The following RERGL variants were observed in gnomAD, a reference collection of about 807,000 sequenced individuals.
The protein encoded by RERGL is RERG like.
RERGL carries 22 observed loss-of-function variants against 24.7 expected under a neutral mutation model. The observed-to-expected ratio is 0.89, with a 90% CI of 0.64 to 1.27. The LOEUF (loss-of-function observed/expected upper bound fraction) is 1.27. Ranked by LOEUF, RERGL falls within the 50% of genes most tolerant of loss-of-function variation. RERGL has a pLI of 0.00. For missense variants in RERGL, 259 were observed against 235.3 expected, an observed-to-expected ratio of 1.10 and a Z score of -0.66; for synonymous variants, 76 against 82.6, an observed-to-expected ratio of 0.92 and a Z score of 0.43.
intron 4 of RERGL, 94 bp from the exon 5 acceptor site, chr12:18,081,567 A>T: frequency 2.5e-6 from 3 of 1,213,044 alleles, no homozygotes; most frequent in South Asian, 1.7e-5. Context: ...AAAGGATTAT[A>T]AATCAAAAAA....
intron 4 of RERGL, among the ~76,000 whole-genome samples, chr12:18,082,256 C>T (rs1029086672): frequency 6.6e-6 from 1 of 151,950 alleles, no homozygotes; most frequent in African/African-American, 2.4e-5. Flanking sequence ...ACTGCATGTT[C>T]TCACTCATAA....
intron 1 of RERGL, chr12:18,089,429 A>G: frequency 7.8e-7 from 1 of 1,275,970 alleles, no homozygotes; most frequent in South Asian, 2.2e-5. Context: ...GTATCCATTC[A>G]TCATGTCACA....
Position 18,088,893 on chromosome 12 carries a change from G to T in RERGL, c.109+7C>A. 6.3e-7 allele frequency: 1 copy of T among 1,577,544 alleles called. No individual in the cohort carries two copies. Among genetic ancestry groups the T allele is most frequent in the South Asian group, 1.1e-5 (1 of 90,308 alleles). ...TTAAGGTAAAAATGTCTAGAGTAGT[G>T]ACTTACCAAAATTAGAAGCATATTC... On this transcript the variant is annotated splice_region_variant and intron_variant, in intron 2 of 4. Coordinates refer to ENST00000538724, the MANE Select transcript of RERGL (RefSeq NM_001286201.2).
In RERGL at chr12:18,090,168, T is replaced by A; in HGVS notation, c.-28A>T. ...TGCTTTTCTGCTTCTTGGTCAGTCC[T>A]ATTTTCTGGAACTACACTGCCCTGT... On this transcript the variant is annotated 5_prime_UTR_variant, in exon 1 of 5. Transcript: ENST00000538724. 1.3e-6 allele frequency: 2 copies of A among 1,524,088 alleles called. No individual in the cohort carries two copies. Among genetic ancestry groups the A allele is most frequent in the Non-Finnish European group, 1.8e-6 (2 of 1,142,084 alleles). The allele number at this position is 1,524,088 out of a possible 1,614,324, so 94.4% of individuals were successfully genotyped here.
At chr12:18,083,798 T>G (rs1167488392) in intron 4 of RERGL, among the ~76,000 whole-genome samples, 1 of 152,170 alleles carries the variant, frequency 6.6e-6, no homozygotes, top group Non-Finnish European at 1.5e-5. Flanking sequence ...CAAAACTGGT[T>G]AAAAGCACAA....
intron 4 of RERGL, among the ~76,000 whole-genome samples, chr12:18,081,821 T>C (rs776334846): frequency 2.0e-4 from 31 of 152,140 alleles, no homozygotes; most frequent in Non-Finnish European, 3.8e-4. Context: ...TACATATTCA[T>C]CATGGAATAC....
Position 18,081,108 on chromosome 12 carries a change from A to T in RERGL, c.*83T>A, listed in dbSNP as rs1947165703. On this transcript the variant is annotated 3_prime_UTR_variant, in exon 5 of 5. Coordinates refer to ENST00000538724, the MANE Select transcript of RERGL (RefSeq NM_001286201.2). ...AAGAGAATTCTTTTTACCAAAAAAAAATTGCATACAAAGGTTAGTTTAATT... is the reference window on the plus strand; with the variant it reads ...AAGAGAATTCTTTTTACCAAAAAAATATTGCATACAAAGGTTAGTTTAATT... 2 of 1,278,064 alleles carry T rather than the reference A, an allele frequency of 1.6e-6. No individual in the cohort carries two copies. Among genetic ancestry groups the T allele is most frequent in the East Asian group, 2.4e-5 (1 of 41,978 alleles). 79.2% of individuals were successfully genotyped at this position (1,278,064 alleles called of 1,614,324 possible).
intron 2 of RERGL, among the ~76,000 whole-genome samples, chr12:18,086,499 G>A (rs879517484): frequency 1.3e-5 from 2 of 151,990 alleles, no homozygotes; most frequent in African/African-American, 2.4e-5. Flanking sequence ...CGCCTTATTG[G>A]TAGCATTAAT....
At chr12:18,081,517 CTCTT>C (rs781439996) in intron 4 of RERGL, 44 bp from the exon 5 acceptor site, 3 of 1,231,236 alleles carry the variant, frequency 2.4e-6, no homozygotes, top group African/African-American at 3.4e-5. Context: ...GTTTTAACAA[CTCTT>C]TTTTTTAAAA....
At position 18,090,177 on chromosome 12, in the gene RERGL, GA is replaced by G. The variant is rs150555025; in HGVS notation, c.-38del. ...GCTTCTTGGTCAGTCCTATTTTCTG[GA>G]ACTACACTGCCCTGTGACAAGCTTT... On this transcript the variant is annotated 5_prime_UTR_variant, in exon 1 of 5. Coordinates refer to ENST00000538724, the MANE Select transcript of RERGL (RefSeq NM_001286201.2). The G allele has an allele frequency of 8.6e-5, 129 of 1,504,994 alleles. No individual in the cohort carries two copies. The African/African-American group carries it at 1.6e-3, about 19-fold the overall frequency. The allele number at this position is 1,504,994 out of a possible 1,614,324, so 93.2% of individuals were successfully genotyped here. A position where few individuals can be genotyped will look rare whatever the true frequency, so the allele number is the denominator to read the frequency against.
In RERGL at chr12:18,089,738, A is replaced by G. The variant is rs941791904; in HGVS notation, c.52+351T>C. Among the ~76,000 whole-genome samples, 16 of 152,116 alleles carry G rather than the reference A, an allele frequency of 1.1e-4. 1 individual carries two copies. The highest frequency in any genetic ancestry group is 8.5e-4 in the Admixed American group (13 of 15,244). ...CTATCAAGGCCATTGTTTGGGAACT[A>G]GTGGGTATAAGGCAAGTGTGTTGAA... On this transcript the variant is annotated intron_variant, in intron 1 of 4. Transcript: ENST00000538724.
chr12:18,082,137 C>A (rs1490453763), intron 4 of RERGL, among the ~76,000 whole-genome samples: 1 of 128,824 alleles, frequency 7.8e-6, no homozygotes, highest in Non-Finnish European at 1.6e-5. Context: ...AAGACTTTGT[C>A]TCAACCAAAA....
In RERGL at chr12:18,081,100, C is replaced by CA. The variant is rs878888220; in HGVS notation, c.*90dup. ...ATATCTCCAAGAGAATTCTTTTTACCAAAAAAAAATTGCATACAAAGGTTA... is the reference window on the plus strand; with the variant it reads ...ATATCTCCAAGAGAATTCTTTTTACCAAAAAAAAAATTGCATACAAAGGTTA... On this transcript the variant is annotated 3_prime_UTR_variant, in exon 5 of 5. Coordinates refer to ENST00000538724, the MANE Select transcript of RERGL (RefSeq NM_001286201.2). 1.3e-3 allele frequency: 1,497 copies of CA among 1,153,330 alleles called. 1 individual carries two copies. The highest frequency in any genetic ancestry group is 1.5e-3 in the Non-Finnish European group (1,274 of 835,654). 71.4% of individuals were successfully genotyped at this position (1,153,330 alleles called of 1,614,324 possible).
intron 2 of RERGL, among the ~76,000 whole-genome samples, chr12:18,087,684 A>G (rs961276061): frequency 6.6e-6 from 1 of 152,174 alleles, no homozygotes; most frequent in Non-Finnish European, 1.5e-5. Flanking sequence ...AATTTATACA[A>G]CTATATTATA....
intron 4 of RERGL, among the ~76,000 whole-genome samples, chr12:18,082,183 G>A (rs1045202390): frequency 5.3e-5 from 8 of 151,788 alleles, no homozygotes; most frequent in East Asian, 1.9e-4. Flanking sequence ...CCCTTTGCGG[G>A]GACATGGATG....
intron 2 of RERGL, 62 bp from the exon 3 acceptor site, chr12:18,085,755 C>T: frequency 1.1e-6 from 1 of 870,720 alleles, no homozygotes; most frequent in South Asian, 1.5e-5. Flanking sequence ...CTGATAAATT[C>T]AACCACTCAC....
At chr12:18,083,772 A>G (rs1435011607) in intron 4 of RERGL, among the ~76,000 whole-genome samples, 1 of 152,184 alleles carries the variant, frequency 6.6e-6, no homozygotes, top group Admixed American at 6.5e-5. Flanking sequence ...TTAGAATACT[A>G]TTTAGATTCT....
At chr12:18,084,208 G>C (rs890002526) in intron 4 of RERGL, among the ~76,000 whole-genome samples, 2 of 152,154 alleles carry the variant, frequency 1.3e-5, no homozygotes, top group Non-Finnish European at 2.9e-5. Flanking sequence ...AAAAGAAAAG[G>C]TTGGAAAGAT....
intron 4 of RERGL, 56 bp downstream of exon 4, chr12:18,084,461 A>G (rs1430746912): frequency 6.6e-7 from 1 of 1,507,258 alleles, no homozygotes; most frequent in Non-Finnish European, 8.9e-7. Context: ...AATGATGCTT[A>G]CAGCTATATG....
Sources: gnomAD v4.1 joint callset for allele counts (sites outside exome capture counted in the v4.1 genomes callset) on GRCh38, gnomAD v4.1.1 for gene constraint, MANE v1.5 for transcripts, NCBI Gene and HGNC (gene_info 2026-07-23, HGNC 2026-07-21) for gene names.